The following MEFV variants were observed in gnomAD, a reference collection of about 807,000 sequenced individuals.
MEFV encodes MEFV innate immunity regulator, pyrin, also known as pyrin.
In MEFV, 60 loss-of-function variants were observed where a neutral mutation model predicts 62.5. That is an observed-to-expected ratio of 0.96 (90% confidence interval 0.78 to 1.19). MEFV has a LOEUF of 1.19. MEFV is among the 50% of genes most tolerant of loss of function. The probability of loss-of-function intolerance (pLI) is 0.00; values close to 1 mark genes in which losing one functional copy is unlikely to be tolerated. For missense variants in MEFV, 1,169 were observed against 1,004.5 expected (o/e 1.16, Z -2.21); for synonymous variants, 500 against 415.2 (o/e 1.20, Z -2.48).
chr16:3,253,489 C>T (rs1474254899), intron 2 of MEFV, among the ~76,000 whole-genome samples: 1 of 152,030 alleles, frequency 6.6e-6, no homozygotes, highest in Non-Finnish European at 1.5e-5. Context: ...CTTTTTCAAT[C>T]GGACATTCTT....
At chr16:3,253,645 C>G (rs979139233) in intron 2 of MEFV, among the ~76,000 whole-genome samples, 10 of 152,222 alleles carry the variant, frequency 6.6e-5, no homozygotes, top group African/African-American at 2.2e-4. Flanking sequence ...TCCTGAGTGG[C>G]TAGAATTACA....
chr16:3,243,260 A>T lies in MEFV; in HGVS notation c.2227T>A (p.Phe743Ile). The T allele has an allele frequency of 6.2e-7, 1 of 1,614,170 alleles. No homozygotes were observed. The highest frequency in any genetic ancestry group is 8.5e-7 in the Non-Finnish European group (1 of 1,180,024). ...GGCCCAGAGAAAGAGCAGCTGGCGA[A>T]TGTATAGATGTGGGATCTGGCTGTC... ...NVTARSHIYT[F>I]ASCSFSGPLQ... is the part of the protein sequence containing the mutation. The change falls in exon 10 of 10, where the codon TTC becomes ATC. Residue 743 changes from phenylalanine to isoleucine, a missense_variant. Transcript: ENST00000219596.
chr16:3,251,537 T>C (rs1166678810), intron 2 of MEFV, among the ~76,000 whole-genome samples: 2 of 152,266 alleles, frequency 1.3e-5, no homozygotes, highest in African/African-American at 4.8e-5. Flanking sequence ...ACTTCTTTTC[T>C]GTTGAGGTTA....
chr16:3,245,571 T>C (rs1357437442), intron 6 of MEFV, among the ~76,000 whole-genome samples: 1 of 150,814 alleles, frequency 6.6e-6, no homozygotes, highest in Non-Finnish European at 1.5e-5. Flanking sequence ...GAGGCAGAGG[T>C]TGTAGTGAGC....
At chr16:3,251,621 A>AAAGATAC (rs1567235778) in intron 2 of MEFV, among the ~76,000 whole-genome samples, 97 of 152,188 alleles carry the variant, frequency 6.4e-4, no homozygotes, top group African/African-American at 2.2e-3. Context: ...GATAGTTAGG[A>AAAGATAC]CTTTAGCCAA....
intron 6 of MEFV, among the ~76,000 whole-genome samples, chr16:3,246,007 G>A (rs541675828): frequency 1.4e-4 from 22 of 152,290 alleles, no homozygotes; most frequent in Middle Eastern, 3.4e-3. Context: ...TCTGATACAC[G>A]TTACAACACG....
intron 6 of MEFV, among the ~76,000 whole-genome samples, chr16:3,245,664 CAG>C (rs1364768379): frequency 6.7e-6 from 1 of 150,100 alleles, no homozygotes; most frequent in Admixed American, 6.7e-5. Flanking sequence ...GAGAGTGAAA[CAG>C]AAGAAAATAA....
chr16:3,246,221 T>C (rs1377315036), intron 6 of MEFV, among the ~76,000 whole-genome samples: 5 of 152,144 alleles, frequency 3.3e-5, no homozygotes, highest in Non-Finnish European at 7.4e-5. Flanking sequence ...TTTCATCAGA[T>C]GAACTGCACG....
chr16:3,254,725 G>T lies in MEFV; in HGVS notation c.343C>A (p.Pro115Thr), dbSNP rs147557169. ...AASSSLGENK[P>T]RSLKTPDHPE... ...TGGTCTGGAGTCTTCAGGCTCCTGG[G>T]CTTGTTCTCCCCCAGGGAGCTGGAC... The change falls in exon 2 of 10, where the codon CCC becomes ACC. Residue 115 changes from proline to threonine, a missense_variant. By Grantham distance (38) the Pro-to-Thr change is conservative. Coordinates refer to ENST00000219596, the MANE Select transcript of MEFV (RefSeq NM_000243.3). 1.8e-4 allele frequency: 292 copies of T among 1,612,828 alleles called. 1 individual carries two copies. The South Asian group carries it at 3.0e-3, about 17-fold the overall frequency.
intron 4 of MEFV, chr16:3,248,669 C>T (rs2141670813): frequency 7.7e-7 from 1 of 1,299,802 alleles, no homozygotes; most frequent in South Asian, 1.5e-5. Flanking sequence ...TTGCTCTCTA[C>T]CATCTTCTGG....
chr16:3,246,732 G>A (rs2141668639), intron 5 of MEFV, among the ~76,000 whole-genome samples, 185 bp from the exon 6 acceptor site: 1 of 152,262 alleles, frequency 6.6e-6, no homozygotes, highest in South Asian at 2.1e-4. Flanking sequence ...GGGAATTCAG[G>A]CATCCCAGGT....
At chr16:3,253,357 T>A (rs180876142) in intron 2 of MEFV, among the ~76,000 whole-genome samples, 97 of 152,202 alleles carry the variant, frequency 6.4e-4, no homozygotes, top group African/African-American at 2.3e-3. Context: ...TGGGCCTGCT[T>A]ACCTATCTCC....
At chr16:3,246,371 C>G (rs1187207005) in intron 6 of MEFV, 154 bp downstream of exon 6, 23 of 837,552 alleles carry the variant, frequency 2.7e-5, no homozygotes, top group Non-Finnish European at 4.0e-5. Flanking sequence ...CTATCAAATC[C>G]AGAGAGGCTT....
At chr16:3,248,618 T>G in intron 4 of MEFV, 1 of 744,802 alleles carries the variant, frequency 1.3e-6, no homozygotes, top group Non-Finnish European at 1.9e-6. Context: ...TCTCCTCCCT[T>G]TTCCTCAATC....
At chr16:3,251,729 C>T (rs1245035110) in intron 2 of MEFV, among the ~76,000 whole-genome samples, 1 of 152,140 alleles carries the variant, frequency 6.6e-6, no homozygotes, top group South Asian at 2.1e-4. Flanking sequence ...GTATTTTTAA[C>T]CAGTCTTCCC....
chr16:3,256,191 T>C, intron 1 of MEFV, 120 bp downstream of exon 1: 2 of 1,202,626 alleles, frequency 1.7e-6, no homozygotes, highest in Non-Finnish European at 1.2e-6. Context: ...ATCTGGATTT[T>C]GGTAGACCTG....
chr16:3,249,818 A>G, intron 2 of MEFV, 38 bp from the exon 3 acceptor site: 2 of 1,563,940 alleles, frequency 1.3e-6, no homozygotes, highest in Non-Finnish European at 8.8e-7. Context: ...TGAATGGCAA[A>G]CCCAAGTTGC....
At position 3,243,282 on chromosome 16, in the gene MEFV, T is replaced by C. The variant is rs375450800; in HGVS notation, c.2205A>G (p.Thr735=). The C allele has an allele frequency of 6.2e-6, 10 of 1,614,052 alleles. No individual in the cohort carries two copies. Among genetic ancestry groups the C allele is most frequent in the Non-Finnish European group, 8.5e-6 (10 of 1,180,046 alleles). ...RVGSISFYNV[T]ARSHIYTFAS... The stretch of plus-strand genomic sequence containing the variant: ...CGAATGTATAGATGTGGGATCTGGC[T>C]GTCACATTGTAAAAGGAGATGCTTC... Residue 735 remains threonine (T), a synonymous_variant, in exon 10 of 10, where the codon ACA becomes ACG. Coordinates refer to ENST00000219596, the MANE Select transcript of MEFV (RefSeq NM_000243.3).
chr16:3,243,990 C>T, intron 8 of MEFV, 98 bp from the exon 9 acceptor site: 1 of 1,573,080 alleles, frequency 6.4e-7, no homozygotes, highest in African/African-American at 1.3e-5. Context: ...CAAGGAACCC[C>T]CTGCTTAGGG....
Sources: allele counts gnomAD v4.1 joint callset (sites outside exome capture counted in the v4.1 genomes callset), GRCh38; gene constraint gnomAD v4.1.1; transcripts MANE v1.5; gene names NCBI Gene and HGNC (gene_info 2026-07-23, HGNC 2026-07-21).